SRSF11: variants seen among roughly 807,000 people sequenced by gnomAD.
SRSF11 encodes serine and arginine rich splicing factor 11, also known as serine/arginine-rich splicing factor 11.
A neutral mutation model predicts 56.0 loss-of-function variants in SRSF11; 9 were observed. The ratio of observed to expected loss-of-function variants is 0.16; its 90% CI spans 0.10 to 0.28. The LOEUF (loss-of-function observed/expected upper bound fraction) is 0.28. SRSF11 is among the 10% of genes least tolerant of loss of function. SRSF11 has a pLI of 1.00. For synonymous variants in SRSF11, 222 were observed against 215.3 expected (o/e 1.03, Z -0.27); for missense variants, 421 against 600.7 (o/e 0.70, Z 3.13).
intron 2 of SRSF11, chr1:70,230,637 ATTTTTAAATTGTAGTTTTAT>A: frequency 7.9e-7 from 1 of 1,262,500 alleles, no homozygotes; most frequent in Non-Finnish European, 1.0e-6. Context: ...CCTCATTGCT[ATTTTTAAATTGTAGTTTTAT>A]TTTTAAATAG....
upstream of SRSF11, among the ~76,000 whole-genome samples, chr1:70,221,185 C>G (rs763619713): frequency 6.6e-6 from 1 of 151,872 alleles, no homozygotes; most frequent in Non-Finnish European, 1.5e-5. Context: ...TTATACGTGC[C>G]TCTTCGCTCT....
intron 7 of SRSF11, among the ~76,000 whole-genome samples, chr1:70,240,370 G>A (rs1390480630): frequency 1.3e-5 from 2 of 152,120 alleles, no homozygotes; most frequent in African/African-American, 2.4e-5. Context: ...GACTCCTAGG[G>A]CAGTTCAATA....
chr1:70,237,897 G>T (rs1188784378), intron 6 of SRSF11, among the ~76,000 whole-genome samples: 1 of 152,136 alleles, frequency 6.6e-6, no homozygotes, highest in African/African-American at 2.4e-5. Flanking sequence ...TCTAAGTTGG[G>T]ATAGCCTAAT....
upstream of SRSF11, chr1:70,221,336 G>C (rs1332856715): frequency 2.1e-5 from 8 of 385,840 alleles, no homozygotes; most frequent in East Asian, 8.7e-5. Flanking sequence ...AGCCGACGCT[G>C]ACGCGCCCTG....
chr1:70,222,668 TTTGGAAGACTTA>T (rs1227284433), intron 1 of SRSF11: 3 of 152,216 alleles, frequency 2.0e-5, no homozygotes, highest in Non-Finnish European at 4.4e-5. Context: ...TCTTGTGCTT[TTTGGAAGACTTA>T]TTGGTGGAGA....
In SRSF11 at chr1:70,234,889, G is replaced by A. The variant is rs573522226; in HGVS notation, c.540+101G>A. On this transcript the variant is annotated intron_variant, in intron 4 of 11. Transcript: ENST00000370949. ...AAGAGCAGAAGCTAATGGCTATGTT[G>A]TAGTAATTTTTTTTCTTGTTTAAAC... is the stretch of plus-strand genomic sequence containing the variant. The A allele has an allele frequency of 2.4e-5, 23 of 940,862 alleles. No individual in the cohort carries two copies. The Admixed American group carries it at 6.1e-4, about 25-fold the overall frequency. The allele number at this position is 940,862 out of a possible 1,614,324, so 58.3% of individuals were successfully genotyped here.
chr1:70,209,931 G>A (rs1669406141), intron 1 of SRSF11, among the ~76,000 whole-genome samples: 1 of 151,634 alleles, frequency 6.6e-6, no homozygotes, highest in African/African-American at 2.4e-5. Context: ...AGTGAAGACA[G>A]TACATATTTT....
intron 1 of SRSF11, among the ~76,000 whole-genome samples, chr1:70,226,512 T>G (rs1338326669): frequency 6.6e-6 from 1 of 152,188 alleles, no homozygotes; most frequent in Non-Finnish European, 1.5e-5. Flanking sequence ...AAAGAACTAT[T>G]TATTAAAAAT....
chr1:70,221,458 C>G lies in SRSF11; in HGVS notation c.-179C>G, dbSNP rs562574077. On this transcript the variant is annotated 5_prime_UTR_variant, in exon 1 of 12. Coordinates refer to ENST00000370949, the MANE Select transcript of SRSF11 (RefSeq NM_001350605.2). ...AGCTCGCGCGCTCTCATCCCCTCCC[C>G]CGCGGCGTGCGGCGGGGCGGAGAAA... is the stretch of plus-strand genomic sequence containing the variant. The G allele has an allele frequency of 6.4e-6, 6 of 933,744 alleles. No individual in the cohort carries two copies. The highest frequency in any genetic ancestry group is 5.0e-5 in the Admixed American group (2 of 39,660). 57.8% of individuals were successfully genotyped at this position (933,744 alleles called of 1,614,324 possible). A position where few individuals can be genotyped will look rare whatever the true frequency, so the allele number is the denominator to read the frequency against.
rs980663283 is a variant in SRSF11 at position 70,251,145 on chromosome 1, T to C, written c.*340T>C. 16 of 200,320 alleles carry C rather than the reference T, an allele frequency of 8.0e-5. No homozygotes were observed. The highest frequency in any genetic ancestry group is 1.4e-4 in the African/African-American group (6 of 43,160). 12.4% of individuals were successfully genotyped at this position (200,320 alleles called of 1,614,324 possible). A position where few individuals can be genotyped will look rare whatever the true frequency, so the allele number is the denominator to read the frequency against. On this transcript the variant is annotated 3_prime_UTR_variant, in exon 12 of 12. Coordinates refer to ENST00000370949, the MANE Select transcript of SRSF11 (RefSeq NM_001350605.2). ...ATCCTTTATTAAGTAAGTTCACTTA[T>C]AGTATTTCTATAATTTGATTCATTG...
chr1:70,231,879 G>A (rs556606253), intron 2 of SRSF11: 9 of 1,503,398 alleles, frequency 6.0e-6, no homozygotes, highest in Middle Eastern at 1.7e-4. Flanking sequence ...GACACGAGTC[G>A]TTGTTCATAA....
intron 2 of SRSF11, chr1:70,231,915 A>G (rs1672913180): frequency 6.5e-7 from 1 of 1,527,126 alleles, no homozygotes; most frequent in Non-Finnish European, 8.8e-7. Flanking sequence ...TTGAGAGCAC[A>G]CCCCTGGAGA....
intron 8 of SRSF11, 85 bp from the exon 9 acceptor site, chr1:70,246,733 G>A: frequency 3.9e-6 from 3 of 759,812 alleles, no homozygotes; most frequent in Non-Finnish European, 2.2e-6. Context: ...GATTAGATCT[G>A]ATTATATTTT....
chr1:70,218,292 C>G (rs1165745510), upstream of SRSF11, among the ~76,000 whole-genome samples: 1 of 152,096 alleles, frequency 6.6e-6, no homozygotes, highest in African/African-American at 2.4e-5. Context: ...TTTAAGCCAG[C>G]CTTCTAACTT....
intron 7 of SRSF11, among the ~76,000 whole-genome samples, chr1:70,240,897 C>T (rs1675232122): frequency 1.3e-5 from 2 of 151,994 alleles, no homozygotes; most frequent in African/African-American, 2.4e-5. Flanking sequence ...CTCAGCCTCC[C>T]GAATAGCTGG....
chr1:70,250,541 G>T, intron 11 of SRSF11, 38 bp downstream of exon 11: 1 of 1,607,984 alleles, frequency 6.2e-7, no homozygotes, highest in Non-Finnish European at 8.5e-7. Flanking sequence ...TATTTGGGGT[G>T]ATGTTGGTAC....
At chr1:70,233,823 C>G (rs949853061) in intron 3 of SRSF11, among the ~76,000 whole-genome samples, 3 of 152,116 alleles carry the variant, frequency 2.0e-5, no homozygotes. Context: ...GAATTGGTGT[C>G]AAGCAGGTGG....
In SRSF11 at chr1:70,228,410, T is replaced by C. The variant is rs1275380630; in HGVS notation, c.204-12T>C. 6.3e-7 allele frequency: 1 copy of C among 1,597,268 alleles called. No individual in the cohort carries two copies. Among genetic ancestry groups the C allele is most frequent in the Non-Finnish European group, 8.6e-7 (1 of 1,167,852 alleles). ...TTCTGTTTCTCTTTTATGTTATTTGTTTATTTTTTAGTGATTCGCCTTTGC... is the reference window on the plus strand; with the variant it reads ...TTCTGTTTCTCTTTTATGTTATTTGCTTATTTTTTAGTGATTCGCCTTTGC... On this transcript the variant is annotated splice_polypyrimidine_tract_variant and intron_variant, in intron 1 of 11. Transcript: ENST00000370949.
intron 1 of SRSF11, among the ~76,000 whole-genome samples, chr1:70,215,657 T>C (rs942629253): frequency 1.3e-5 from 2 of 152,188 alleles, no homozygotes; most frequent in Non-Finnish European, 2.9e-5. Flanking sequence ...TGCAAAATTG[T>C]GTTAATTGGG....
Sources: allele counts gnomAD v4.1 joint callset (sites outside exome capture counted in the v4.1 genomes callset), GRCh38; gene constraint gnomAD v4.1.1; transcripts MANE v1.5; gene names NCBI Gene and HGNC (gene_info 2026-07-23, HGNC 2026-07-21).